The following CDH4 variants were observed in gnomAD, a reference collection of about 807,000 sequenced individuals.
CDH4 encodes the protein cadherin 4, also known as cadherin-4.
Under a neutral mutation model 86.0 loss-of-function variants are expected in CDH4, and 33 were observed. That is an observed-to-expected ratio of 0.38 (90% CI 0.29 to 0.51). The LOEUF is 0.51. Ranked by LOEUF, CDH4 falls within the 20% of genes least tolerant of loss-of-function variation. CDH4 has a pLI of 0.86. For synonymous variants in CDH4, 555 were observed against 549.4 expected, an observed-to-expected ratio of 1.01 and a Z score of -0.14; for missense variants, 1,114 against 1,307.4, an observed-to-expected ratio of 0.85 and a Z score of 2.28.
At position 61,292,708 on chromosome 20, in the gene CDH4, G is replaced by A. The variant is rs563239304; in HGVS notation, c.169+37771G>A. The stretch of plus-strand genomic sequence containing the variant: ...GCACAGCGCACTCACGCCCTTATGC[G>A]GAGATTTCTTCCTAACAGGTCTGCT... On this transcript the variant is annotated intron_variant, in intron 2 of 15. Coordinates refer to ENST00000614565, the MANE Select transcript of CDH4 (RefSeq NM_001794.5). Among the ~76,000 whole-genome samples, 6 of 152,376 alleles carry A rather than the reference G, an allele frequency of 3.9e-5. No individual in the cohort carries two copies. In the South Asian group the frequency reaches 6.2e-4, roughly 16 times the overall value.
At chr20:61,478,908 C>CG (rs1389281077) in intron 2 of CDH4, among the ~76,000 whole-genome samples, 2 of 152,068 alleles carry the variant, frequency 1.3e-5, no homozygotes, top group African/African-American at 4.8e-5. Context: ...TGCCTGCGAG[C>CG]GATTCTAACA....
In CDH4 at chr20:61,510,269, G is replaced by A. The variant is rs541131461; in HGVS notation, c.170-233294G>A. 3.3e-5 allele frequency among the ~76,000 whole-genome samples: 5 copies of A among 152,310 alleles called. No homozygotes were observed. The South Asian group carries it at 8.3e-4, about 25-fold the overall frequency. ...CCCATGAGAATGTTACTTGGTGTGT[G>A]CTTTGTGTTTTGGGGGGGCCAGGAA... On this transcript the variant is annotated intron_variant, in intron 2 of 15. Transcript: ENST00000614565. The surrounding 1 kb of genome is among the most constrained non-coding windows in gnomAD (Gnocchi z 4.2).
At chr20:61,280,071 C>G (rs1326550271) in intron 2 of CDH4, among the ~76,000 whole-genome samples, 1 of 152,094 alleles carries the variant, frequency 6.6e-6, no homozygotes, top group Non-Finnish European at 1.5e-5. Flanking sequence ...CGGGGCCTCC[C>G]AGGTGGGACT....
At chr20:61,439,273 A>G (rs62200868) in intron 2 of CDH4, among the ~76,000 whole-genome samples, 25,392 of 152,006 alleles carry the variant, frequency 0.17, 2,191 homozygotes, top group Non-Finnish European at 0.18. Context: ...GTTGTACTGC[A>G]GTGTGCATTT....
intron 4 of CDH4, among the ~76,000 whole-genome samples, chr20:61,775,856 A>C (rs1455094938): frequency 6.6e-6 from 1 of 152,142 alleles, no homozygotes; most frequent in Non-Finnish European, 1.5e-5. Flanking sequence ...TCTAGGACTG[A>C]AAGGTGGGAA....
intron 9 of CDH4, among the ~76,000 whole-genome samples, chr20:61,919,113 C>T (rs1254005305): frequency 6.6e-6 from 1 of 152,232 alleles, no homozygotes. Context: ...TCAAGTGATC[C>T]TCCTGCCTCA....
At chr20:61,549,374 A>G (rs1290989658) in intron 2 of CDH4, among the ~76,000 whole-genome samples, 5 of 152,100 alleles carry the variant, frequency 3.3e-5, no homozygotes, top group Non-Finnish European at 7.4e-5. Context: ...GGAGCCTACA[A>G]AGGCTCTTCA....
chr20:61,450,845 G>A (rs1316353515), intron 2 of CDH4, among the ~76,000 whole-genome samples: 1 of 149,578 alleles, frequency 6.7e-6, no homozygotes, highest in Non-Finnish European at 1.5e-5. Context: ...GCTAGAGCGG[G>A]GTTTTCTCTG....
chr20:61,489,749 G>T (rs1320778114), intron 2 of CDH4, among the ~76,000 whole-genome samples: 1 of 152,218 alleles, frequency 6.6e-6, no homozygotes, highest in East Asian at 1.9e-4. Flanking sequence ...CAATTCATAG[G>T]TTAAGATACT....
chr20:61,336,752 A>G (rs1374616800), intron 2 of CDH4, among the ~76,000 whole-genome samples: 1 of 152,170 alleles, frequency 6.6e-6, no homozygotes, highest in South Asian at 2.1e-4. Flanking sequence ...AGTTGAAGGT[A>G]AGAGTCCCTG....
intron 7 of CDH4, among the ~76,000 whole-genome samples, chr20:61,887,612 T>C (rs908573379): frequency 2.0e-5 from 3 of 152,262 alleles, no homozygotes; most frequent in Admixed American, 1.3e-4. Context: ...TTCTTTCCTA[T>C]ACATTGAAAG....
intron 4 of CDH4, among the ~76,000 whole-genome samples, chr20:61,776,914 T>C (rs1402017580): frequency 6.6e-6 from 1 of 152,160 alleles, no homozygotes; most frequent in Non-Finnish European, 1.5e-5. Context: ...GGGGGAAATA[T>C]GGTTGGTGAA....
chr20:61,313,945 G>T (rs1404499938), intron 2 of CDH4, among the ~76,000 whole-genome samples: 1 of 152,134 alleles, frequency 6.6e-6, no homozygotes, highest in East Asian at 1.9e-4. Context: ...ATGTTGCCCA[G>T]GCTGCTTTCA....
chr20:61,719,142 A>G (rs1484268716), intron 2 of CDH4: 2 of 470,696 alleles, frequency 4.2e-6, no homozygotes, highest in Non-Finnish European at 8.8e-6. Flanking sequence ...ATGGCTTTGC[A>G]TCTGAAAGCC....
At chr20:61,762,978 T>C (rs1256837298) in intron 3 of CDH4, among the ~76,000 whole-genome samples, 4 of 152,222 alleles carry the variant, frequency 2.6e-5, no homozygotes, top group Non-Finnish European at 5.9e-5. Flanking sequence ...TAGATGCTTT[T>C]GTGGAATCAG....
At chr20:61,887,690 G>T (rs777555825) in intron 7 of CDH4, among the ~76,000 whole-genome samples, 2 of 152,280 alleles carry the variant, frequency 1.3e-5, no homozygotes, top group African/African-American at 2.4e-5. Flanking sequence ...GAGACTTGGA[G>T]AATGATGTCA....
chr20:61,665,272 A>C (rs530897684), intron 2 of CDH4, among the ~76,000 whole-genome samples: 1 of 152,362 alleles, frequency 6.6e-6, no homozygotes, highest in African/African-American at 2.4e-5. Context: ...GGAAGCTGCC[A>C]CCAGGGCTCC....
At chr20:61,710,244 C>T (rs2087875354) in intron 2 of CDH4, among the ~76,000 whole-genome samples, 1 of 152,190 alleles carries the variant, frequency 6.6e-6, no homozygotes, top group Non-Finnish European at 1.5e-5. Flanking sequence ...GCCAGAAGTC[C>T]CTCTGCTGGC....
chr20:61,504,673 T>C lies in CDH4; in HGVS notation c.170-238890T>C, dbSNP rs143590477. Among the ~76,000 whole-genome samples the C allele has an allele frequency of 2.6e-5, 4 of 152,342 alleles. No individual in the cohort carries two copies. In the East Asian group the frequency reaches 7.7e-4, roughly 29 times the overall value. ...CGTTAAACATCCAGCCCCACCTGCATGTCAGGCACAATCTGGACGTTGCAG... is the reference window on the plus strand; with the variant it reads ...CGTTAAACATCCAGCCCCACCTGCACGTCAGGCACAATCTGGACGTTGCAG... On this transcript the variant is annotated intron_variant, in intron 2 of 15. Coordinates refer to ENST00000614565, the MANE Select transcript of CDH4 (RefSeq NM_001794.5).
Sources: allele counts gnomAD v4.1 joint callset (sites outside exome capture counted in the v4.1 genomes callset), GRCh38; gene constraint gnomAD v4.1.1; non-coding constraint Gnocchi (gnomAD v3.1); transcripts MANE v1.5; gene names NCBI Gene and HGNC (gene_info 2026-07-23, HGNC 2026-07-21).